MSI2: variants seen among roughly 807,000 people sequenced by gnomAD.
MSI2 encodes the protein musashi RNA binding protein 2, also known as RNA-binding protein Musashi homolog 2.
MSI2 carries 17 observed loss-of-function variants against 45.6 expected under a neutral mutation model. The observed-to-expected ratio is 0.37, with a 90% confidence interval of 0.26 to 0.56. MSI2 has a LOEUF of 0.56. Among genes scored for constraint, MSI2 ranks in the 20% least tolerant of loss-of-function variants. The probability of loss-of-function intolerance (pLI) is 0.77; values close to 1 mark genes in which losing one functional copy is unlikely to be tolerated. For missense variants in MSI2, 293 were observed against 444.2 expected (o/e 0.66, Z 3.06); for synonymous variants, 156 against 158.2 (o/e 0.99, Z 0.11).
chr17:57,433,168 C>T (rs371433294), intron 6 of MSI2, among the ~76,000 whole-genome samples: 2 of 152,172 alleles, frequency 1.3e-5, no homozygotes, highest in Non-Finnish European at 2.9e-5. Context: ...ACACTGCAGG[C>T]GGCTTCTCTA....
intron 8 of MSI2, 84 bp downstream of exon 8, chr17:57,597,034 A>C (rs1038796036): frequency 9.7e-7 from 1 of 1,025,786 alleles, no homozygotes; most frequent in Non-Finnish European, 1.5e-6. Flanking sequence ...CCAGCCCATC[A>C]TCAGGCTGGA....
At chr17:57,657,331 G>A (rs1911671358) in intron 11 of MSI2, among the ~76,000 whole-genome samples, 1 of 152,150 alleles carries the variant, frequency 6.6e-6, no homozygotes, top group Non-Finnish European at 1.5e-5. Flanking sequence ...GGGTGCGGGT[G>A]AGGGAGGTAC....
intron 7 of MSI2, among the ~76,000 whole-genome samples, chr17:57,537,418 C>T (rs186061565): frequency 8.5e-5 from 13 of 152,328 alleles, no homozygotes; most frequent in Admixed American, 6.5e-4. Flanking sequence ...AGACCAGCCC[C>T]GGAGCTGTCT....
chr17:57,633,263 A>T, intron 10 of MSI2: 1 of 829,522 alleles, frequency 1.2e-6, no homozygotes, highest in South Asian at 5.6e-5. Flanking sequence ...AATAACCAGC[A>T]CCGATGACAG....
intron 5 of MSI2, among the ~76,000 whole-genome samples, chr17:57,277,602 G>C (rs1014829432): frequency 6.6e-6 from 1 of 152,224 alleles, no homozygotes; most frequent in Non-Finnish European, 1.5e-5. Context: ...TAAGAGAAGA[G>C]GCTTAGGAGG....
intron 5 of MSI2, among the ~76,000 whole-genome samples, chr17:57,345,576 T>C (rs1286520505): frequency 2.6e-5 from 4 of 152,252 alleles, no homozygotes; most frequent in Admixed American, 2.0e-4. Flanking sequence ...CTCGCCTGTA[T>C]TGGGGACTGA....
At chr17:57,379,377 G>A (rs1598191987) in intron 5 of MSI2, among the ~76,000 whole-genome samples, 1 of 151,790 alleles carries the variant, frequency 6.6e-6, no homozygotes, top group East Asian at 1.9e-4. Context: ...ATGGAAGGGT[G>A]TCTTTATTCA....
chr17:57,531,050 A>G (rs2086811552), intron 7 of MSI2, among the ~76,000 whole-genome samples: 1 of 152,104 alleles, frequency 6.6e-6, no homozygotes, highest in African/African-American at 2.4e-5. Flanking sequence ...GATTTTGTCC[A>G]CTGCATTGCT....
chr17:57,469,113 G>T (rs774068187), intron 6 of MSI2, among the ~76,000 whole-genome samples: 22 of 152,182 alleles, frequency 1.4e-4, no homozygotes, highest in Admixed American at 5.9e-4. Context: ...GGCTCCAAGA[G>T]CCTCTTTGTG....
chr17:57,257,325 C>T, intron 2 of MSI2, 141 bp from the exon 3 acceptor site: 1 of 608,170 alleles, frequency 1.6e-6, no homozygotes, highest in South Asian at 2.2e-5. Flanking sequence ...CGAATTTCCC[C>T]CGCGTGTGCA....
chr17:57,323,965 A>T (rs1442123950), intron 5 of MSI2, among the ~76,000 whole-genome samples: 1 of 152,174 alleles, frequency 6.6e-6, no homozygotes, highest in African/African-American at 2.4e-5. Context: ...GCTGTATGTT[A>T]GGTGACAGTA....
chr17:57,597,464 CTT>C, intron 8 of MSI2, among the ~76,000 whole-genome samples: 1 of 46,558 alleles, frequency 2.1e-5, no homozygotes, highest in Non-Finnish European at 4.0e-5. Flanking sequence ...GACCTCATCT[CTT>C]AAAAAAAAAA....
At position 57,286,375 on chromosome 17, in the gene MSI2, G is replaced by A. The variant is rs189366025; in HGVS notation, c.312+24183G>A. ...CTTTGTGTGTCCCTGCATTTTCCTC[G>A]ACGGTCGCTAATAAGAACTGCTGGT... On this transcript the variant is annotated intron_variant, in intron 5 of 13. Coordinates refer to ENST00000284073, the MANE Select transcript of MSI2 (RefSeq NM_138962.4). Among the ~76,000 whole-genome samples, 789 of 152,046 alleles carry A rather than the reference G, an allele frequency of 5.2e-3. 6 individuals carry two copies. Among genetic ancestry groups the A allele is most frequent in the African/African-American group, 0.018 (753 of 41,452 alleles).
chr17:57,391,484 A>G (rs1318831719), intron 5 of MSI2, among the ~76,000 whole-genome samples: 1 of 152,072 alleles, frequency 6.6e-6, no homozygotes, highest in South Asian at 2.1e-4. Context: ...GGAACTTCCT[A>G]TTATTGTTGT....
chr17:57,564,957 A>C (rs751778498), intron 7 of MSI2, among the ~76,000 whole-genome samples: 8 of 152,198 alleles, frequency 5.3e-5, no homozygotes, highest in Non-Finnish European at 8.8e-5. Flanking sequence ...ACCTTCATTA[A>C]CAACAGCCGT....
intron 6 of MSI2, among the ~76,000 whole-genome samples, chr17:57,422,855 G>T (rs2084421814): frequency 6.6e-6 from 1 of 152,220 alleles, no homozygotes; most frequent in African/African-American, 2.4e-5. Flanking sequence ...TTTTGGCAGT[G>T]CACTTACGAA....
At chr17:57,492,912 T>C (rs1231277599) in intron 6 of MSI2, among the ~76,000 whole-genome samples, 1 of 152,192 alleles carries the variant, frequency 6.6e-6, no homozygotes, top group African/African-American at 2.4e-5. Flanking sequence ...TCTCAGTCTT[T>C]TGTGGAATAT....
At chr17:57,619,134 C>T (rs1246748676) in intron 9 of MSI2, among the ~76,000 whole-genome samples, 1 of 152,220 alleles carries the variant, frequency 6.6e-6, no homozygotes, top group African/African-American at 2.4e-5. Context: ...AAAGAGTGCT[C>T]AGCCTCCCAG....
chr17:57,489,756 G>T (rs747616831), intron 6 of MSI2, among the ~76,000 whole-genome samples: 6 of 152,214 alleles, frequency 3.9e-5, no homozygotes, highest in African/African-American at 1.4e-4. Flanking sequence ...CACAGTGCCG[G>T]ACACTGGTGA....
Sources: allele counts gnomAD v4.1 joint callset (sites outside exome capture counted in the v4.1 genomes callset), GRCh38; gene constraint gnomAD v4.1.1; transcripts MANE v1.5; gene names NCBI Gene and HGNC (gene_info 2026-07-23, HGNC 2026-07-21).